The following CTIF variants were observed in gnomAD, a reference collection of about 807,000 sequenced individuals.
The protein encoded by CTIF is CBP80/20-dependent translation initiation factor.
Under a neutral mutation model 66.0 loss-of-function variants are expected in CTIF, and 21 were observed. The observed-to-expected ratio is 0.32, with a 90% CI of 0.23 to 0.46. The LOEUF (loss-of-function observed/expected upper bound fraction) is 0.46. Ranked by LOEUF, CTIF falls within the 20% of genes least tolerant of loss-of-function variation. The pLI, the probability that CTIF is intolerant of heterozygous loss-of-function variation, is 1.00. For synonymous variants in CTIF, 345 were observed against 326.4 expected, an observed-to-expected ratio of 1.06 and a Z score of -0.62; for missense variants, 739 against 812.7, an observed-to-expected ratio of 0.91 and a Z score of 1.10.
chr18:48,591,480 G>T (rs2089886342), intron 1 of CTIF, among the ~76,000 whole-genome samples: 1 of 152,200 alleles, frequency 6.6e-6, no homozygotes, highest in African/African-American at 2.4e-5. Context: ...GTGTGACCTT[G>T]GTGTCTGAAC....
intron 1 of CTIF, among the ~76,000 whole-genome samples, chr18:48,599,817 C>A (rs1383461947): frequency 6.6e-6 from 1 of 152,158 alleles, no homozygotes; most frequent in East Asian, 1.9e-4. Flanking sequence ...GAAAGGGTGA[C>A]CCCTGTGTCT....
At chr18:48,583,523 A>T (rs891269458) in intron 1 of CTIF, among the ~76,000 whole-genome samples, 1 of 152,166 alleles carries the variant, frequency 6.6e-6, no homozygotes, top group Non-Finnish European at 1.5e-5. Context: ...ATTAACAGAC[A>T]GTGTGCCCTC....
intron 1 of CTIF, among the ~76,000 whole-genome samples, chr18:48,619,128 C>T (rs2090448215): frequency 6.6e-6 from 1 of 152,198 alleles, no homozygotes; most frequent in Admixed American, 6.5e-5. Flanking sequence ...ATTGTGCACC[C>T]TCAATCTTGG....
intron 1 of CTIF, among the ~76,000 whole-genome samples, chr18:48,579,044 C>T (rs1485465033): frequency 6.6e-6 from 1 of 151,384 alleles, no homozygotes; most frequent in Non-Finnish European, 1.5e-5. Flanking sequence ...AGAGGTTCAG[C>T]TTCATTGTTT....
intron 9 of CTIF, among the ~76,000 whole-genome samples, chr18:48,783,749 T>C (rs1224687064): frequency 6.6e-6 from 1 of 152,146 alleles, no homozygotes; most frequent in African/African-American, 2.4e-5. Context: ...TGTTTTGCTG[T>C]CTGCCGCAGG....
At chr18:48,608,812 G>T (rs2090254423) in intron 1 of CTIF, among the ~76,000 whole-genome samples, 1 of 152,188 alleles carries the variant, frequency 6.6e-6, no homozygotes, top group East Asian at 1.9e-4. Flanking sequence ...CTGTAGTTCA[G>T]GGAGCTGTTG....
rs534441432 is a variant in CTIF, at chr18:48,656,088, A to G, written c.253-7664A>G. Among the ~76,000 whole-genome samples the G allele has an allele frequency of 1.7e-4, 26 of 152,258 alleles. No individual in the cohort carries two copies. The South Asian group carries it at 4.6e-3, about 27-fold the overall frequency. ...ATCGCATACCCACTCACATTCCACAATCCCTCTCTCTTCACTGCAGATGAT... is the reference window on the plus strand; with the variant it reads ...ATCGCATACCCACTCACATTCCACAGTCCCTCTCTCTTCACTGCAGATGAT... On this transcript the variant is annotated intron_variant, in intron 3 of 11. Transcript: ENST00000256413.
chr18:48,736,944 T>A (rs1361791621), intron 7 of CTIF, among the ~76,000 whole-genome samples: 1 of 152,168 alleles, frequency 6.6e-6, no homozygotes, highest in East Asian at 1.9e-4. Flanking sequence ...TCCCTAGAAC[T>A]GCATCTGCTC....
rs1398142742 is a variant in CTIF, at chr18:48,766,845, A to T, written c.1371+5156A>T. Reference sequence around the variant, plus strand: ...TCAGGCTCTTCTTGTCATCACCCTGAACCTCCTCCTTGATGAGATGAAAGC... The same window carrying T: ...TCAGGCTCTTCTTGTCATCACCCTGTACCTCCTCCTTGATGAGATGAAAGC... On this transcript the variant is annotated intron_variant, in intron 9 of 11. Coordinates refer to ENST00000256413, the MANE Select transcript of CTIF (RefSeq NM_014772.3). Among the ~76,000 whole-genome samples, 17 of 71,118 alleles carry T rather than the reference A, an allele frequency of 2.4e-4. No individual in the cohort carries two copies. In the Admixed American group the frequency reaches 3.1e-3, roughly 13 times the overall value. The allele number at this position is 71,118 out of a possible 152,430, so 46.7% of individuals were successfully genotyped here. A position where few individuals can be genotyped will look rare whatever the true frequency, so the allele number is the denominator to read the frequency against.
chr18:48,692,587 G>A (rs1271774415), intron 6 of CTIF: 1 of 152,200 alleles, frequency 6.6e-6, no homozygotes, highest in African/African-American at 2.4e-5. Context: ...CATATGAATA[G>A]CATGCAGATC....
intron 10 of CTIF, among the ~76,000 whole-genome samples, chr18:48,847,106 G>C (rs1191519674): frequency 6.6e-6 from 1 of 151,936 alleles, no homozygotes; most frequent in African/African-American, 2.4e-5. Context: ...TCAAGAGATG[G>C]AGACCATCCC....
intron 1 of CTIF, among the ~76,000 whole-genome samples, chr18:48,618,524 C>G (rs890261927): frequency 4.6e-5 from 7 of 152,218 alleles, no homozygotes; most frequent in Admixed American, 2.6e-4. Flanking sequence ...CCCTTCCCAT[C>G]TAGCCTGGAG....
intron 2 of CTIF, among the ~76,000 whole-genome samples, chr18:48,626,660 T>TTTTTG (rs1555657870): frequency 4.1e-5 from 6 of 146,570 alleles, no homozygotes; most frequent in Admixed American, 2.0e-4. Context: ...TTTTTTGTTT[T>TTTTTG]TTTTTTTTTT....
intron 7 of CTIF, among the ~76,000 whole-genome samples, chr18:48,753,893 G>A (rs1290629990): frequency 2.6e-5 from 4 of 152,116 alleles, no homozygotes; most frequent in South Asian, 4.1e-4. Flanking sequence ...CCCCAAACCC[G>A]CAGGTTTCGT....
chr18:48,786,920 C>T (rs1418153310), intron 9 of CTIF, among the ~76,000 whole-genome samples: 1 of 151,558 alleles, frequency 6.6e-6, no homozygotes, highest in Non-Finnish European at 1.5e-5. Flanking sequence ...GCCCGGATGA[C>T]CTCTGGAGCT....
chr18:48,594,206 C>A (rs2089947684), intron 1 of CTIF, among the ~76,000 whole-genome samples: 1 of 152,156 alleles, frequency 6.6e-6, no homozygotes. Context: ...CTTCCTGAGC[C>A]TGCACCCCAT....
intron 1 of CTIF, among the ~76,000 whole-genome samples, chr18:48,613,452 T>C (rs1555654974): frequency 2.0e-5 from 3 of 151,648 alleles, no homozygotes; most frequent in Non-Finnish European, 4.4e-5. Flanking sequence ...CAGCAAGGGA[T>C]GGGGAGGAAG....
At chr18:48,825,727 G>A (rs2068570191) in intron 10 of CTIF, among the ~76,000 whole-genome samples, 1 of 152,178 alleles carries the variant, frequency 6.6e-6, no homozygotes, top group East Asian at 1.9e-4. Context: ...TTCCCCAGGG[G>A]TAACAATGAA....
intron 3 of CTIF, among the ~76,000 whole-genome samples, chr18:48,651,016 C>G (rs1749530476): frequency 6.6e-6 from 1 of 152,120 alleles, no homozygotes; most frequent in South Asian, 2.1e-4. Context: ...GAAAGGAACA[C>G]CCAGTACCAG....
Sources: allele counts gnomAD v4.1 joint callset (sites outside exome capture counted in the v4.1 genomes callset), GRCh38; gene constraint gnomAD v4.1.1; transcripts MANE v1.5; gene names NCBI Gene and HGNC (gene_info 2026-07-23, HGNC 2026-07-21).